The following CDH13 variants were observed in gnomAD, a reference collection of about 807,000 sequenced individuals.
CDH13 encodes cadherin-13.
In CDH13, 24 loss-of-function variants were observed where a neutral mutation model predicts 63.8. The observed-to-expected ratio is 0.38, with a 90% CI of 0.27 to 0.53. CDH13 has a LOEUF of 0.53. Ranked by LOEUF, CDH13 falls within the 20% of genes least tolerant of loss-of-function variation. The probability of loss-of-function intolerance (pLI) is 0.85; values close to 1 mark genes in which losing one functional copy is unlikely to be tolerated. For synonymous variants in CDH13, 503 were observed against 355.3 expected (o/e 1.42, Z -4.67); for missense variants, 1,049 against 903.1 (o/e 1.16, Z -2.07).
intron 3 of CDH13, among the ~76,000 whole-genome samples, chr16:83,060,959 A>G (rs143821680): frequency 1.1e-4 from 17 of 152,192 alleles, no homozygotes; most frequent in African/African-American, 4.1e-4. Context: ...TCTTCCCCTC[A>G]ATGGCTAATG....
chr16:82,998,331 G>T (rs62037239), intron 2 of CDH13, among the ~76,000 whole-genome samples: 1 of 152,190 alleles, frequency 6.6e-6, no homozygotes, highest in Admixed American at 6.5e-5. Context: ...AAAAGAGAAA[G>T]AAAGAACATA....
intron 1 of CDH13, among the ~76,000 whole-genome samples, chr16:82,748,159 C>T (rs1002605120): frequency 6.6e-6 from 1 of 152,162 alleles, no homozygotes; most frequent in Non-Finnish European, 1.5e-5. Context: ...AGCATCATAG[C>T]TGGGGACTCT....
chr16:82,697,079 A>G (rs545977162), intron 1 of CDH13, among the ~76,000 whole-genome samples: 4 of 152,342 alleles, frequency 2.6e-5, no homozygotes, highest in African/African-American at 9.6e-5. Context: ...TTTGGATGTC[A>G]TATATTGTTA....
chr16:83,044,394 C>T (rs974471589), intron 3 of CDH13, among the ~76,000 whole-genome samples: 1 of 152,074 alleles, frequency 6.6e-6, no homozygotes, highest in Non-Finnish European at 1.5e-5. Flanking sequence ...AAAATAAATC[C>T]AGAGCTGAGC....
At chr16:83,458,678 C>T (rs184846378) in intron 6 of CDH13, among the ~76,000 whole-genome samples, 75 of 152,232 alleles carry the variant, frequency 4.9e-4, no homozygotes, top group African/African-American at 1.7e-3. Flanking sequence ...TTTTGCAAAC[C>T]CAGGCCACCC....
chr16:83,139,967 A>C (rs1408644981), intron 4 of CDH13, among the ~76,000 whole-genome samples: 1 of 152,008 alleles, frequency 6.6e-6, no homozygotes, highest in Non-Finnish European at 1.5e-5. Context: ...ATACCATTAC[A>C]CTCCAGCCTG....
chr16:83,631,298 C>G (rs755801331), intron 8 of CDH13, among the ~76,000 whole-genome samples: 9 of 152,114 alleles, frequency 5.9e-5, no homozygotes, highest in Non-Finnish European at 1.2e-4. Context: ...GAAAACTGCC[C>G]TGTGTCCATA....
intron 2 of CDH13, among the ~76,000 whole-genome samples, chr16:82,896,077 G>A (rs1203412577): frequency 6.6e-6 from 1 of 151,978 alleles, no homozygotes; most frequent in Non-Finnish European, 1.5e-5. Context: ...GTTTTATGTT[G>A]TTTATATAAT....
At chr16:83,128,511 G>A (rs2035909922) in intron 4 of CDH13, among the ~76,000 whole-genome samples, 1 of 152,180 alleles carries the variant, frequency 6.6e-6, no homozygotes, top group Non-Finnish European at 1.5e-5. Context: ...ACTTTCAGTT[G>A]CAATTCCATT....
intron 1 of CDH13, among the ~76,000 whole-genome samples, chr16:82,637,266 T>C (rs1908767411): frequency 6.6e-6 from 1 of 152,104 alleles, no homozygotes; most frequent in African/African-American, 2.4e-5. Flanking sequence ...AGAAAGATTA[T>C]TGCGTTCTGT....
chr16:83,599,409 T>C (rs1175414315), intron 7 of CDH13, among the ~76,000 whole-genome samples: 6 of 152,236 alleles, frequency 3.9e-5, no homozygotes, highest in Non-Finnish European at 1.5e-5. Context: ...AGTAACATCC[T>C]CTTGGATAAA....
chr16:83,599,116 C>T (rs1833967), intron 7 of CDH13, among the ~76,000 whole-genome samples: 10,967 of 152,242 alleles, frequency 0.072, 1,022 homozygotes, highest in African/African-American at 0.2. Context: ...GGAATTATAA[C>T]ATAGGTACCA....
At chr16:83,302,259 C>G (rs769830775) in intron 5 of CDH13, among the ~76,000 whole-genome samples, 5 of 152,132 alleles carry the variant, frequency 3.3e-5, no homozygotes, top group African/African-American at 9.7e-5. Flanking sequence ...GATATTCATC[C>G]TTTATTGGTT....
chr16:82,967,661 C>CT (rs941399031), intron 2 of CDH13, among the ~76,000 whole-genome samples: 1 of 152,062 alleles, frequency 6.6e-6, no homozygotes, highest in African/African-American at 2.4e-5. Context: ...GAACAGAGAC[C>CT]CCCCCAGCCT....
intron 6 of CDH13, 105 bp from the exon 7 acceptor site, chr16:83,486,372 G>C (rs1350131423): frequency 1.2e-6 from 1 of 816,448 alleles, no homozygotes; most frequent in Non-Finnish European, 1.8e-6. Context: ...AATTTGGAAA[G>C]TGATGGGCAC....
intron 10 of CDH13, among the ~76,000 whole-genome samples, chr16:83,701,054 G>A (rs1196510320): frequency 6.6e-6 from 1 of 152,132 alleles, no homozygotes; most frequent in Non-Finnish European, 1.5e-5. Flanking sequence ...GGGATTCTAG[G>A]GACATTTTTC....
At chr16:83,062,837 G>A (rs776851053) in intron 3 of CDH13, among the ~76,000 whole-genome samples, 2 of 152,122 alleles carry the variant, frequency 1.3e-5, no homozygotes, top group Admixed American at 6.6e-5. Flanking sequence ...TAGCTAGGCT[G>A]GAAAATCCAA....
intron 2 of CDH13, among the ~76,000 whole-genome samples, chr16:82,910,614 G>A (rs959058588): frequency 2.6e-5 from 4 of 152,106 alleles, no homozygotes; most frequent in African/African-American, 4.8e-5. Context: ...TGGAAAATTC[G>A]TTCTGTCCTA....
At chr16:82,850,579 G>C (rs2039441480) in intron 1 of CDH13, among the ~76,000 whole-genome samples, 1 of 152,130 alleles carries the variant, frequency 6.6e-6, no homozygotes, top group East Asian at 1.9e-4. Context: ...GGGTTTGAGA[G>C]GACTGCTTTC....
Sources: gnomAD v4.1 joint callset for allele counts (sites outside exome capture counted in the v4.1 genomes callset) on GRCh38, gnomAD v4.1.1 for gene constraint, MANE v1.5 for transcripts, NCBI Gene and HGNC (gene_info 2026-07-23, HGNC 2026-07-21) for gene names.